MSI2: variants seen among roughly 807,000 people sequenced by gnomAD.
MSI2 encodes musashi RNA binding protein 2.
MSI2 carries 17 observed loss-of-function variants against 45.6 expected under a neutral mutation model. The ratio of observed to expected loss-of-function variants is 0.37; its 90% CI spans 0.26 to 0.56. The LOEUF (loss-of-function observed/expected upper bound fraction) is 0.56, where lower values mean the gene tolerates loss of function less well. Among genes scored for constraint, MSI2 ranks in the 20% least tolerant of loss-of-function variants. MSI2 has a pLI of 0.77. For missense variants in MSI2, 293 were observed against 444.2 expected, an observed-to-expected ratio of 0.66 and a Z score of 3.06; for synonymous variants, 156 against 158.2, an observed-to-expected ratio of 0.99 and a Z score of 0.11.
At chr17:57,284,900 C>CTT (rs112263860) in intron 5 of MSI2, among the ~76,000 whole-genome samples, 4,855 of 140,320 alleles carry the variant, frequency 0.035, 250 homozygotes, top group African/African-American at 0.11. Context: ...TTAAAATGAC[C>CTT]TTTTTTTTTT....
At chr17:57,448,733 G>A (rs997080484) in intron 6 of MSI2, 1 of 152,192 alleles carries the variant, frequency 6.6e-6, no homozygotes, top group African/African-American at 2.4e-5. Flanking sequence ...GTTTGTGTTG[G>A]CTCTAGGAGC....
intron 6 of MSI2, among the ~76,000 whole-genome samples, chr17:57,503,351 A>G (rs1298785058): frequency 6.6e-6 from 1 of 152,246 alleles, no homozygotes; most frequent in African/African-American, 2.4e-5. Flanking sequence ...ATGTCATTAC[A>G]CACACATATA....
At chr17:57,388,509 G>A (rs972872982) in intron 5 of MSI2, among the ~76,000 whole-genome samples, 1 of 152,178 alleles carries the variant, frequency 6.6e-6, no homozygotes, top group Non-Finnish European at 1.5e-5. Flanking sequence ...CTGCTGGTGG[G>A]GGAGCTAATC....
intron 5 of MSI2, among the ~76,000 whole-genome samples, chr17:57,271,347 G>A (rs1908346995): frequency 6.6e-6 from 1 of 152,102 alleles, no homozygotes; most frequent in South Asian, 2.1e-4. Flanking sequence ...TTGTGTGCAA[G>A]GACCTTAAAT....
rs577841928 is a variant in MSI2, at chr17:57,494,814, G to A, written c.406-34862G>A. Among the ~76,000 whole-genome samples the A allele has an allele frequency of 5.3e-5, 8 of 152,250 alleles. 1 individual carries two copies. In the South Asian group the frequency reaches 1.7e-3, roughly 32 times the overall value. On this transcript the variant is annotated intron_variant, in intron 6 of 13. Transcript: ENST00000284073. The stretch of plus-strand genomic sequence containing the variant: ...ACGCTGAACACATGCTGTGTGTCAG[G>A]TACCATGCTGGACACCAGGGATAAA...
chr17:57,472,084 C>T (rs1361264469), intron 6 of MSI2, among the ~76,000 whole-genome samples: 5 of 152,130 alleles, frequency 3.3e-5, no homozygotes, highest in Non-Finnish European at 5.9e-5. Context: ...GGGTGAGAGG[C>T]TCAGCAGGGT....
chr17:57,438,149 C>T (rs2084724986), intron 6 of MSI2, among the ~76,000 whole-genome samples: 1 of 152,106 alleles, frequency 6.6e-6, no homozygotes, highest in Non-Finnish European at 1.5e-5. Context: ...TGGGGTGGGG[C>T]AGGTGGTTTA....
chr17:57,663,484 A>G (rs192698226), intron 11 of MSI2, among the ~76,000 whole-genome samples: 20 of 152,276 alleles, frequency 1.3e-4, no homozygotes, highest in Admixed American at 2.6e-4. Flanking sequence ...ATTTCTGACT[A>G]TATCCTGGAG....
intron 5 of MSI2, among the ~76,000 whole-genome samples, chr17:57,283,335 C>T (rs1909589095): frequency 6.6e-6 from 1 of 152,164 alleles, no homozygotes; most frequent in African/African-American, 2.4e-5. Context: ...TGAAGTGCTT[C>T]CTTTGTGGGC....
chr17:57,390,075 C>CAAA (rs55932533), intron 5 of MSI2, among the ~76,000 whole-genome samples: 12 of 139,324 alleles, frequency 8.6e-5, no homozygotes, highest in East Asian at 6.3e-4. Context: ...CTGTCTTTAC[C>CAAA]AAAAAAAAAA....
At chr17:57,648,148 T>TGTGTGTGTGTGTGTGA (rs1910835466) in intron 10 of MSI2, among the ~76,000 whole-genome samples, 1 of 148,462 alleles carries the variant, frequency 6.7e-6, no homozygotes, top group Non-Finnish European at 1.5e-5. Context: ...TGTGTGTGTG[T>TGTGTGTGTGTGTGTGA]GTGTGTGTGT....
At chr17:57,268,791 C>T (rs138616646) in intron 5 of MSI2, among the ~76,000 whole-genome samples, 8,203 of 152,116 alleles carry the variant, frequency 0.054, 711 homozygotes, top group African/African-American at 0.18. Context: ...GCCGAGATTG[C>T]GCCACTGCAC....
chr17:57,262,099 T>TA, intron 4 of MSI2, 52 bp from the exon 5 acceptor site: 1 of 1,575,288 alleles, frequency 6.3e-7, no homozygotes, highest in East Asian at 2.2e-5. Flanking sequence ...TAATCATATA[T>TA]TTTTTCCTTA....
chr17:57,633,777 GTGCATGAAT>G (rs1341877813), intron 10 of MSI2, among the ~76,000 whole-genome samples: 18 of 152,218 alleles, frequency 1.2e-4, no homozygotes, highest in Non-Finnish European at 2.2e-4. Context: ...GGGATAACAT[GTGCATGAAT>G]GTGCCTTGTA....
At position 57,487,257 on chromosome 17, in the gene MSI2, C is replaced by T. The variant is rs565529129; in HGVS notation, c.406-42419C>T. Reference sequence around the variant, plus strand: ...GATGCCAGGCTGGGAATTCTGCCTGCGCTGTTGGGAGCCAGTCACGTGTTC... The same window carrying T: ...GATGCCAGGCTGGGAATTCTGCCTGTGCTGTTGGGAGCCAGTCACGTGTTC... On this transcript the variant is annotated intron_variant, in intron 6 of 13. Coordinates refer to ENST00000284073, the MANE Select transcript of MSI2 (RefSeq NM_138962.4). 9.1e-4 allele frequency among the ~76,000 whole-genome samples: 138 copies of T among 152,320 alleles called. 1 individual carries two copies. Among genetic ancestry groups the T allele is most frequent in the Admixed American group, 4.2e-3 (65 of 15,306 alleles).
chr17:57,484,299 G>T (rs907990706), intron 6 of MSI2, among the ~76,000 whole-genome samples: 2 of 152,092 alleles, frequency 1.3e-5, no homozygotes, highest in Non-Finnish European at 2.9e-5. Context: ...TAGGTGAGTG[G>T]GTCCATGTCT....
intron 7 of MSI2, among the ~76,000 whole-genome samples, chr17:57,588,160 G>A (rs748013105): frequency 6.6e-6 from 1 of 152,188 alleles, no homozygotes; most frequent in Non-Finnish European, 1.5e-5. Context: ...AAGAGGGCAT[G>A]CCAGCAGACC....
chr17:57,425,829 T>C (rs2084480784), intron 6 of MSI2, among the ~76,000 whole-genome samples: 1 of 152,246 alleles, frequency 6.6e-6, no homozygotes, highest in Non-Finnish European at 1.5e-5. Context: ...ATTGCCAAAC[T>C]GCCCCACAGG....
chr17:57,604,419 T>C (rs1906291786), intron 8 of MSI2, among the ~76,000 whole-genome samples: 1 of 152,060 alleles, frequency 6.6e-6, no homozygotes, highest in South Asian at 2.1e-4. Flanking sequence ...GTGCGGGACC[T>C]GGGCAGGACT....
Sources: allele counts gnomAD v4.1 joint callset (sites outside exome capture counted in the v4.1 genomes callset), GRCh38; gene constraint gnomAD v4.1.1; transcripts MANE v1.5; gene names NCBI Gene and HGNC (gene_info 2026-07-23, HGNC 2026-07-21).